FRMD7: variants seen among roughly 807,000 people sequenced by gnomAD.
FRMD7 encodes FERM domain-containing protein 7.
In FRMD7, 14 loss-of-function variants were observed where a neutral mutation model predicts 44.1. The ratio of observed to expected loss-of-function variants is 0.32; its 90% CI spans 0.21 to 0.50. The LOEUF is 0.50. Ranked by LOEUF, FRMD7 falls within the 20% of genes least tolerant of loss-of-function variation. FRMD7 has a pLI of 0.99. For synonymous variants in FRMD7, 212 were observed against 187.4 expected (o/e 1.13, Z -1.07); for missense variants, 501 against 522.3 (o/e 0.96, Z 0.40).
intron 1 of FRMD7, among the ~76,000 whole-genome samples, chrX:132,119,477 G>T (rs1412262998): frequency 1.8e-5 from 2 of 111,581 alleles, no homozygotes; most frequent in Non-Finnish European, 3.8e-5. Flanking sequence ...AGGACCTCTT[G>T]TTTAAGACAA....
chrX:132,112,762 C>G (rs1928809760), intron 1 of FRMD7, among the ~76,000 whole-genome samples: 1 of 110,968 alleles, frequency 9.0e-6, no homozygotes, highest in African/African-American at 3.3e-5. Flanking sequence ...GCCAACCAAA[C>G]CAAGCTAGGA....
chrX:132,099,478 C>T lies in FRMD7; in HGVS notation c.195G>A (p.Lys65=), dbSNP rs754638161. The change falls in exon 3 of 12, where the codon AAG becomes AAA. Residue 65 remains lysine, a synonymous_variant. Transcript: ENST00000298542. The part of the protein sequence containing the change: ...VWLELLKPIT[K]QVKNPKEIVF... Reference sequence around the variant, plus strand: ...ATTTTCCATACTTACTTTTTACCTGCTTTGTTATGGGCTTCAAAAGCTCCA... The same window carrying T: ...ATTTTCCATACTTACTTTTTACCTGTTTTGTTATGGGCTTCAAAAGCTCCA... The T allele has an allele frequency of 5.0e-6, 6 of 1,200,207 alleles. No homozygotes were observed. Among genetic ancestry groups the T allele is most frequent in the Non-Finnish European group, 5.6e-6 (5 of 887,619 alleles).
chrX:132,085,884 T>C, intron 6 of FRMD7, 36 bp downstream of exon 6: 1 of 1,049,851 alleles, frequency 9.5e-7, no homozygotes, highest in Non-Finnish European at 1.3e-6. Flanking sequence ...TAGTGTTCTC[T>C]ACTGGGGGAA....
At chrX:132,104,624 C>T (rs962556602) in intron 1 of FRMD7, among the ~76,000 whole-genome samples, 6 of 111,383 alleles carry the variant, frequency 5.4e-5, no homozygotes, top group Admixed American at 1.9e-4. Flanking sequence ...ACCCGGGAGG[C>T]GGAGCTTGCA....
At chrX:132,087,721 A>G (rs1452145037) in intron 5 of FRMD7, among the ~76,000 whole-genome samples, 1 of 111,568 alleles carries the variant, frequency 9.0e-6, no homozygotes, top group Non-Finnish European at 1.9e-5. Flanking sequence ...TTACCCTGAT[A>G]CCAAAACGGG....
At chrX:132,118,862 A>C (rs1296980853) in intron 1 of FRMD7, among the ~76,000 whole-genome samples, 2 of 110,221 alleles carry the variant, frequency 1.8e-5, no homozygotes, top group East Asian at 5.7e-4. Context: ...GCTCCCCCAC[A>C]GCCCCCCAAC....
intron 2 of FRMD7, among the ~76,000 whole-genome samples, chrX:132,100,224 C>A (rs927408404): frequency 8.9e-6 from 1 of 111,880 alleles, no homozygotes; most frequent in Non-Finnish European, 1.9e-5. Context: ...CTCTGCCTCC[C>A]AGGTTCAAGC....
At chrX:132,098,964 C>T (rs1282164746) in intron 3 of FRMD7, among the ~76,000 whole-genome samples, 1 of 111,981 alleles carries the variant, frequency 8.9e-6, no homozygotes, top group Non-Finnish European at 1.9e-5. Flanking sequence ...GCCCAGGAAT[C>T]GGCATTTAAC....
At chrX:132,082,901 GAGA>G (rs748361023) in intron 8 of FRMD7, among the ~76,000 whole-genome samples, 5 of 112,305 alleles carry the variant, frequency 4.5e-5, no homozygotes, top group East Asian at 5.6e-4. Flanking sequence ...CAGGAGGGAG[GAGA>G]AGATTTCCTT....
In FRMD7 at chrX:132,078,512, G is replaced by C. The variant is rs192322553; in HGVS notation, c.1505C>G (p.Pro502Arg). 8.3e-7 allele frequency: 1 copy of C among 1,208,848 alleles called. No individual in the cohort carries two copies. Among genetic ancestry groups the C allele is most frequent in the East Asian group, 3.0e-5 (1 of 33,747 alleles). The change falls in exon 12 of 12, where the codon CCA becomes CGA. Residue 502 changes from proline to arginine, a missense_variant. Physicochemically the swap from Pro to Arg is moderately radical, Grantham distance 103. Coordinates refer to ENST00000298542, the MANE Select transcript of FRMD7 (RefSeq NM_194277.3). ...PPQVFFYVDK[P>R]PQVPRWSPIR... ...TGGGGACCATCTGGGCACCTGGGGTGGCTTGTCCACATAAAAAAAGACCTG... is the reference window on the plus strand; with the variant it reads ...TGGGGACCATCTGGGCACCTGGGGTCGCTTGTCCACATAAAAAAAGACCTG...
chrX:132,085,689 G>A lies in FRMD7; in HGVS notation c.537C>T (p.Asp179=). ...SPAESDILLL[D]IARKLDMYGI... is the part of the protein sequence containing the mutation. ...CATACATATCCAGCTTCCTTGCTATGTCCAGTAGCAGAATGTCAGATTCAG... is the reference window on the plus strand; with the variant it reads ...CATACATATCCAGCTTCCTTGCTATATCCAGTAGCAGAATGTCAGATTCAG... The change falls in exon 7 of 12, where the codon GAC becomes GAT. Residue 179 remains aspartate, a synonymous_variant. Coordinates refer to ENST00000298542, the MANE Select transcript of FRMD7 (RefSeq NM_194277.3). 1 of 1,209,202 alleles carries A rather than the reference G, an allele frequency of 8.3e-7. No individual in the cohort carries two copies. Among genetic ancestry groups the A allele is most frequent in the Non-Finnish European group, 1.1e-6 (1 of 893,079 alleles).
chrX:132,110,134 T>C (rs1053623085), intron 1 of FRMD7, among the ~76,000 whole-genome samples: 2 of 111,257 alleles, frequency 1.8e-5, no homozygotes, highest in African/African-American at 3.3e-5. Context: ...AAAATGCAGG[T>C]TCAGATTCTA....
chrX:132,089,675 C>T (rs1928106788), intron 5 of FRMD7, among the ~76,000 whole-genome samples: 1 of 111,821 alleles, frequency 8.9e-6, no homozygotes, highest in African/African-American at 3.3e-5. Flanking sequence ...TAAAAATGGG[C>T]AAAAGATTTG....
intron 5 of FRMD7, 100 bp downstream of exon 5, chrX:132,093,942 A>G: frequency 1.7e-6 from 1 of 576,267 alleles, no homozygotes; most frequent in Non-Finnish European, 3.1e-6. Flanking sequence ...TCCCCTGTAA[A>G]CCCTAACACA....
In FRMD7 at chrX:132,080,980, T is replaced by C. The variant is rs1927787858; in HGVS notation, c.906-714A>G. 2.7e-5 allele frequency among the ~76,000 whole-genome samples: 3 copies of C among 111,251 alleles called. No individual in the cohort carries two copies. In the Admixed American group the frequency reaches 2.9e-4, roughly 11 times the overall value. On this transcript the variant is annotated intron_variant, in intron 9 of 11. Transcript: ENST00000298542. ...AACAGTAGAAGAGGATTGTTCTAGT[T>C]AGGCATACACTAACAAAGAAAGTCA...
Position 132,103,620 on chromosome X carries a change from T to TTCAAACTCATC in FRMD7, c.58-2915_58-2905dup. 1.8e-5 allele frequency among the ~76,000 whole-genome samples: 2 copies of TTCAAACTCATC among 111,821 alleles called. 1 individual carries two copies. Among genetic ancestry groups the TTCAAACTCATC allele is most frequent in the Middle Eastern group, 8.4e-3 (2 of 237 alleles). The stretch of plus-strand genomic sequence containing the variant: ...CAATTGAACACTGATTCCTGGGGGC[T>TTCAAACTCATC]TCAAACTCATCTTCTCATGGAAACA... On this transcript the variant is annotated intron_variant, in intron 1 of 11. Coordinates refer to ENST00000298542, the MANE Select transcript of FRMD7 (RefSeq NM_194277.3).
intron 1 of FRMD7, among the ~76,000 whole-genome samples, chrX:132,122,232 T>C (rs60190363): frequency 0.22 from 24,181 of 111,194 alleles, 2,120 homozygotes; most frequent in Non-Finnish European, 0.25. Context: ...ATGACAATGA[T>C]CTCATGAGGT....
rs752370008 is a variant in FRMD7, at chrX:132,079,994, C to T, written c.1050+12G>A. On this transcript the variant is annotated intron_variant, in intron 11 of 11. Transcript: ENST00000298542. Reference sequence around the variant, plus strand: ...ATTTATCTAAAGAAGTAGAAATTTTCAGAAACCTTACTTGTTTTGACACAT... The same window carrying T: ...ATTTATCTAAAGAAGTAGAAATTTTTAGAAACCTTACTTGTTTTGACACAT... 1.1e-5 allele frequency: 12 copies of T among 1,139,414 alleles called. No individual in the cohort carries two copies. In the Admixed American group the frequency reaches 2.6e-4, roughly 25 times the overall value. 93.9% of individuals were successfully genotyped at this position (1,139,414 alleles called of 1,213,427 possible). A position where few individuals can be genotyped will look rare whatever the true frequency, so the allele number is the denominator to read the frequency against.
intron 3 of FRMD7, among the ~76,000 whole-genome samples, chrX:132,098,830 T>C (rs1928416331): frequency 9.1e-6 from 1 of 109,913 alleles, no homozygotes; most frequent in Non-Finnish European, 1.9e-5. Context: ...AAAGAGCAGG[T>C]AGAGGAAGAG....
Sources: gnomAD v4.1 joint callset for allele counts (sites outside exome capture counted in the v4.1 genomes callset) on GRCh38, gnomAD v4.1.1 for gene constraint, MANE v1.5 for transcripts, NCBI Gene and HGNC (gene_info 2026-07-23, HGNC 2026-07-21) for gene names.